UGT1A9: variants seen among roughly 807,000 people sequenced by gnomAD.
UGT1A9 encodes the protein UDP glucuronosyltransferase family 1 member A9, also known as UDP-glucuronosyltransferase 1A9.
A neutral mutation model predicts 45.0 loss-of-function variants in UGT1A9; 35 were observed. The ratio of observed to expected loss-of-function variants is 0.78; its 90% CI spans 0.59 to 1.03. The LOEUF is 1.03. Among genes scored for constraint, UGT1A9 ranks in the 50% least tolerant of loss-of-function variants. UGT1A9 has a pLI of 0.00. For missense variants in UGT1A9, 687 were observed against 666.6 expected (o/e 1.03, Z -0.34); for synonymous variants, 278 against 250.6 (o/e 1.11, Z -1.03).
At chr2:233,730,104 T>G in intron 1 of UGT1A9, 1 of 1,577,736 alleles carries the variant, frequency 6.3e-7, no homozygotes, top group Non-Finnish European at 8.6e-7. Flanking sequence ...ATATTTCATT[T>G]CTGCTTCTCC....
intron 1 of UGT1A9, among the ~76,000 whole-genome samples, chr2:233,712,117 G>T (rs1456022041): frequency 6.6e-6 from 1 of 152,198 alleles, no homozygotes; most frequent in Non-Finnish European, 1.5e-5. Flanking sequence ...AAGCAGACTT[G>T]CAGAAGACTG....
intron 1 of UGT1A9, chr2:233,755,045 G>C (rs745537470): frequency 7.5e-7 from 1 of 1,325,478 alleles, no homozygotes; most frequent in Non-Finnish European, 1.0e-6. Context: ...CTGCGCAGCC[G>C]CCCTCCGCCC....
intron 1 of UGT1A9, chr2:233,718,894 G>A: frequency 6.2e-7 from 1 of 1,614,034 alleles, no homozygotes; most frequent in Non-Finnish European, 8.5e-7. Context: ...GTCCAGCCCT[G>A]GGCTGAGAGT....
At chr2:233,772,010 G>A (rs538941446) in intron 4 of UGT1A9, among the ~76,000 whole-genome samples, 1 of 152,306 alleles carries the variant, frequency 6.6e-6, no homozygotes, top group Admixed American at 6.5e-5. Flanking sequence ...CTACTCTGGA[G>A]GCTGAGGCAG....
intron 1 of UGT1A9, chr2:233,760,208 A>G: frequency 6.3e-7 from 1 of 1,589,248 alleles, no homozygotes; most frequent in Non-Finnish European, 8.5e-7. Flanking sequence ...TCAAACATTA[A>G]CTTGGTGTAT....
intron 1 of UGT1A9, among the ~76,000 whole-genome samples, chr2:233,677,897 T>G (rs1344227462): frequency 6.6e-6 from 1 of 151,960 alleles, no homozygotes; most frequent in Admixed American, 6.6e-5. Flanking sequence ...CTATTCAGAA[T>G]AGAAAAGACA....
At chr2:233,729,286 A>G (rs751108537) in intron 1 of UGT1A9, 2 of 1,614,248 alleles carry the variant, frequency 1.2e-6, no homozygotes, top group Non-Finnish European at 1.7e-6. Context: ...GCTCCATGCC[A>G]GAGGCCACCA....
At chr2:233,696,454 G>T (rs1177570057) in intron 1 of UGT1A9, among the ~76,000 whole-genome samples, 1 of 152,112 alleles carries the variant, frequency 6.6e-6, no homozygotes, top group Non-Finnish European at 1.5e-5. Context: ...AAATGCTACT[G>T]ATTTTTGTAA....
intron 1 of UGT1A9, chr2:233,760,883 C>T (rs550460320): frequency 1.9e-6 from 3 of 1,614,168 alleles, no homozygotes; most frequent in South Asian, 2.2e-5. Context: ...CCTCTCTCCT[C>T]TCATTCAGAT....
At chr2:233,733,104 CTGTT>C (rs892202373) in intron 1 of UGT1A9, among the ~76,000 whole-genome samples, 2 of 152,132 alleles carry the variant, frequency 1.3e-5, no homozygotes, top group African/African-American at 4.8e-5. Context: ...TGGTTTGGCT[CTGTT>C]TGTCTGTTAT....
chr2:233,694,694 C>CCT (rs1371949887), intron 1 of UGT1A9, among the ~76,000 whole-genome samples: 4 of 152,204 alleles, frequency 2.6e-5, no homozygotes, highest in Non-Finnish European at 4.4e-5. Flanking sequence ...AAGACCCTTA[C>CCT]CTCTCTTCTT....
At chr2:233,715,538 G>A (rs1209390952) in intron 1 of UGT1A9, among the ~76,000 whole-genome samples, 6 of 152,096 alleles carry the variant, frequency 3.9e-5, no homozygotes, top group South Asian at 2.1e-4. Flanking sequence ...TTGGGAGACC[G>A]AGGGAGGAGG....
intron 1 of UGT1A9, among the ~76,000 whole-genome samples, chr2:233,698,795 G>A (rs1041135412): frequency 5.3e-5 from 8 of 152,198 alleles, no homozygotes; most frequent in African/African-American, 1.7e-4. Flanking sequence ...GGTAACCTCT[G>A]GGCTCCCAGC....
At chr2:233,713,913 A>T in intron 1 of UGT1A9, 1 of 1,612,556 alleles carries the variant, frequency 6.2e-7, no homozygotes, top group Non-Finnish European at 8.5e-7. Context: ...CTTTTTAAAA[A>T]ATGTATTTAC....
intron 1 of UGT1A9, chr2:233,747,332 A>C (rs1559392073): frequency 9.4e-6 from 15 of 1,603,410 alleles, no homozygotes; most frequent in Non-Finnish European, 1.3e-5. Context: ...GATGGCAGCC[A>C]CTGGCTCGCA....
intron 1 of UGT1A9, chr2:233,752,610 TTAGC>T (rs1306337132): frequency 1.3e-5 from 2 of 152,180 alleles, no homozygotes; most frequent in Non-Finnish European, 2.9e-5. Flanking sequence ...TAAAAAAACA[TTAGC>T]TAGGTGTGGT....
chr2:233,673,097 A>G (rs1217791678), intron 1 of UGT1A9, among the ~76,000 whole-genome samples: 1 of 152,190 alleles, frequency 6.6e-6, no homozygotes, highest in Non-Finnish European at 1.5e-5. Context: ...TGTTAATTCT[A>G]TATGCCCGCC....
At chr2:233,750,863 G>A (rs1036231248) in intron 1 of UGT1A9, 1 of 151,894 alleles carries the variant, frequency 6.6e-6, no homozygotes, top group Non-Finnish European at 1.5e-5. Context: ...CCAGGCAGAA[G>A]TTTGCTGCAT....
chr2:233,689,418 G>A (rs1195966821), intron 1 of UGT1A9, among the ~76,000 whole-genome samples: 1 of 152,192 alleles, frequency 6.6e-6, no homozygotes, highest in African/African-American at 2.4e-5. Flanking sequence ...TCTCTCTAAT[G>A]GCTTGCAAGT....
Sources: gnomAD v4.1 joint callset for allele counts (sites outside exome capture counted in the v4.1 genomes callset) on GRCh38, gnomAD v4.1.1 for gene constraint, MANE v1.5 for transcripts, NCBI Gene and HGNC (gene_info 2026-07-23, HGNC 2026-07-21) for gene names.